RORA: variants seen among roughly 807,000 people sequenced by gnomAD.
RORA encodes RAR related orphan receptor A.
RORA carries 7 observed loss-of-function variants against 69.5 expected under a neutral mutation model. The observed-to-expected ratio is 0.10, with a 90% confidence interval of 0.06 to 0.19. RORA has a LOEUF of 0.19. Among genes scored for constraint, RORA ranks in the 10% least tolerant of loss-of-function variants. The probability of loss-of-function intolerance (pLI) is 1.00; values close to 1 mark genes in which losing one functional copy is unlikely to be tolerated. For synonymous variants in RORA, 261 were observed against 240.8 expected, an observed-to-expected ratio of 1.08 and a Z score of -0.78; for missense variants, 457 against 663.0, an observed-to-expected ratio of 0.69 and a Z score of 3.41.
intron 1 of RORA, among the ~76,000 whole-genome samples, chr15:61,183,490 A>T (rs191381512): frequency 8.1e-4 from 122 of 150,780 alleles, no homozygotes; most frequent in African/African-American, 2.9e-3. Context: ...AGCCTGGATC[A>T]CACCATTGCA....
chr15:60,913,403 A>G (rs923251946), intron 1 of RORA, among the ~76,000 whole-genome samples: 7 of 152,234 alleles, frequency 4.6e-5, no homozygotes, highest in Non-Finnish European at 8.8e-5. Flanking sequence ...CTCCCAGGAA[A>G]GCCTAGAGGA....
chr15:60,624,660 G>A (rs1036311263), intron 2 of RORA, among the ~76,000 whole-genome samples: 2 of 151,536 alleles, frequency 1.3e-5, no homozygotes, highest in Admixed American at 1.3e-4. Context: ...TAAATAAAGG[G>A]ACATGCTACT....
chr15:61,151,588 A>G (rs2079398551), intron 1 of RORA, among the ~76,000 whole-genome samples: 1 of 152,192 alleles, frequency 6.6e-6, no homozygotes, highest in African/African-American at 2.4e-5. Context: ...CAATCTAAAT[A>G]TCCTGCATGT....
At chr15:60,813,065 TTCTC>T (rs1185328830) in intron 1 of RORA, among the ~76,000 whole-genome samples, 14 of 152,180 alleles carry the variant, frequency 9.2e-5, no homozygotes, top group Admixed American at 6.5e-4. Context: ...TCGGTGGTCT[TTCTC>T]TATCTTGTTT....
chr15:60,871,820 G>A (rs2073559506), intron 1 of RORA, among the ~76,000 whole-genome samples: 1 of 152,174 alleles, frequency 6.6e-6, no homozygotes. Flanking sequence ...AAGGACATTA[G>A]TGGAAAAAAC....
At chr15:60,907,787 A>G (rs1891587739) in intron 1 of RORA, among the ~76,000 whole-genome samples, 1 of 152,154 alleles carries the variant, frequency 6.6e-6, no homozygotes, top group Non-Finnish European at 1.5e-5. Flanking sequence ...TCCACTTCCC[A>G]TGTGTCATTT....
chr15:61,220,741 T>C (rs2080088028), intron 1 of RORA, among the ~76,000 whole-genome samples: 1 of 152,232 alleles, frequency 6.6e-6, no homozygotes, highest in African/African-American at 2.4e-5. Context: ...CTTTGTCAAT[T>C]GGCATTCTCG....
chr15:60,992,058 G>C (rs1894396153), intron 1 of RORA, among the ~76,000 whole-genome samples: 1 of 152,088 alleles, frequency 6.6e-6, no homozygotes, highest in African/African-American at 2.4e-5. Flanking sequence ...ATGTGAAATA[G>C]TGTTAAGTAA....
chr15:61,195,425 T>A (rs560530210), intron 1 of RORA, among the ~76,000 whole-genome samples: 17 of 151,722 alleles, frequency 1.1e-4, no homozygotes, highest in Non-Finnish European at 1.8e-4. Flanking sequence ...GGCAAGGATT[T>A]CCTTAACCTG....
intron 6 of RORA, among the ~76,000 whole-genome samples, chr15:60,504,764 G>A (rs1026333639): frequency 2.0e-5 from 3 of 151,990 alleles, no homozygotes; most frequent in South Asian, 2.1e-4. Context: ...TTTTATATTC[G>A]CACTCTCCAT....
chr15:60,509,880 C>A (rs978856784), intron 5 of RORA, among the ~76,000 whole-genome samples: 2 of 152,016 alleles, frequency 1.3e-5, no homozygotes, highest in African/African-American at 4.8e-5. Flanking sequence ...CTGCAATACA[C>A]CTTTTAATGC....
chr15:60,868,372 CAT>C (rs2073513687), intron 1 of RORA, among the ~76,000 whole-genome samples: 1 of 152,184 alleles, frequency 6.6e-6, no homozygotes, highest in Admixed American at 6.5e-5. Flanking sequence ...TAAGTTGGTA[CAT>C]GTCAAGCTCT....
In RORA at chr15:61,183,879, C is replaced by T. The variant is rs76928184; in HGVS notation, c.166+45174G>A. The stretch of plus-strand genomic sequence containing the variant: ...ATGTCCTCCTTTCATACCTCTCTTC[C>T]CAGCAATTTTGTCAGACAGACACGC... On this transcript the variant is annotated intron_variant, in intron 1 of 10. Coordinates refer to ENST00000335670, the MANE Select transcript of RORA (RefSeq NM_134261.3). Among the ~76,000 whole-genome samples, 458 of 152,230 alleles carry T rather than the reference C, an allele frequency of 3.0e-3. 3 individuals carry two copies. The highest frequency in any genetic ancestry group is 0.01 in the African/African-American group (430 of 41,532).
intron 1 of RORA, among the ~76,000 whole-genome samples, chr15:60,986,759 A>G (rs3803481): frequency 0.22 from 33,423 of 152,092 alleles, 3,909 homozygotes; most frequent in African/African-American, 0.28. Flanking sequence ...AACTGCATGA[A>G]AACTCTCAAA....
At chr15:61,003,210 A>AT (rs1265505126) in intron 1 of RORA, among the ~76,000 whole-genome samples, 2 of 152,156 alleles carry the variant, frequency 1.3e-5, no homozygotes, top group Non-Finnish European at 2.9e-5. Flanking sequence ...CTATGTATCC[A>AT]TTATATAGGC....
At chr15:61,214,889 G>A (rs563619063) in intron 1 of RORA, among the ~76,000 whole-genome samples, 19 of 128,068 alleles carry the variant, frequency 1.5e-4, no homozygotes, top group Admixed American at 2.8e-4. Flanking sequence ...TTTTTGAGAC[G>A]GAGTCTTGCT....
At chr15:60,721,169 C>T (rs6494219) in intron 1 of RORA, among the ~76,000 whole-genome samples, 57,864 of 151,970 alleles carry the variant, frequency 0.38, 12,678 homozygotes, top group East Asian at 0.8. Flanking sequence ...AAACAGAGGC[C>T]GTGGGTTCTT....
chr15:60,928,641 A>G (rs1381376489), intron 1 of RORA, among the ~76,000 whole-genome samples: 3 of 152,230 alleles, frequency 2.0e-5, no homozygotes, highest in Non-Finnish European at 4.4e-5. Context: ...AGTTTGTCCA[A>G]TTCGACTCCC....
At chr15:60,562,611 AT>A (rs34301774) in intron 2 of RORA, among the ~76,000 whole-genome samples, 31,888 of 137,344 alleles carry the variant, frequency 0.23, 5,259 homozygotes, top group African/African-American at 0.48. Flanking sequence ...AACTTTCTGT[AT>A]TTTTTTTTTT....
Sources: gnomAD v4.1 joint callset for allele counts (sites outside exome capture counted in the v4.1 genomes callset) on GRCh38, gnomAD v4.1.1 for gene constraint, MANE v1.5 for transcripts, NCBI Gene and HGNC (gene_info 2026-07-23, HGNC 2026-07-21) for gene names.